ERBB4: variants seen among roughly 807,000 people sequenced by gnomAD.
The protein encoded by ERBB4 is receptor tyrosine-protein kinase erbB-4.
In ERBB4, 42 loss-of-function variants were observed where a neutral mutation model predicts 158.0. That is an observed-to-expected ratio of 0.27 (90% CI 0.21 to 0.34). The LOEUF is 0.34. Ranked by LOEUF, ERBB4 falls within the 10% of genes least tolerant of loss-of-function variation. ERBB4 has a pLI of 1.00. For missense variants in ERBB4, 1,333 were observed against 1,624.1 expected, an observed-to-expected ratio of 0.82 and a Z score of 3.08; for synonymous variants, 583 against 558.7, an observed-to-expected ratio of 1.04 and a Z score of -0.61.
intron 1 of ERBB4, among the ~76,000 whole-genome samples, chr2:212,448,460 TA>T (rs2092396577): frequency 6.6e-6 from 1 of 152,202 alleles, no homozygotes; most frequent in Non-Finnish European, 1.5e-5. Flanking sequence ...AACAAATGAA[TA>T]AACTGTATTC....
chr2:212,038,534 AT>A (rs1191643631), intron 2 of ERBB4, among the ~76,000 whole-genome samples: 2 of 151,990 alleles, frequency 1.3e-5, no homozygotes, highest in Non-Finnish European at 2.9e-5. Context: ...TACCTAAGAC[AT>A]TTTTTTCTTT....
At chr2:211,840,717 G>A (rs1481234611) in intron 3 of ERBB4, among the ~76,000 whole-genome samples, 3 of 152,026 alleles carry the variant, frequency 2.0e-5, no homozygotes, top group African/African-American at 7.2e-5. Flanking sequence ...CAGACAAGAA[G>A]TTGACAGAAA....
intron 1 of ERBB4, among the ~76,000 whole-genome samples, chr2:212,261,985 T>G (rs2106089175): frequency 6.6e-6 from 1 of 152,220 alleles, no homozygotes; most frequent in South Asian, 2.1e-4. Flanking sequence ...TCACAACAGA[T>G]TTCTTTCTAT....
At chr2:211,890,374 T>C (rs374299487) in intron 3 of ERBB4, among the ~76,000 whole-genome samples, 10 of 145,684 alleles carry the variant, frequency 6.9e-5, no homozygotes, top group South Asian at 2.2e-4. Context: ...TTGTCACCAC[T>C]AGGCCTGCCC....
chr2:211,501,980 T>C (rs1559232889), intron 20 of ERBB4, among the ~76,000 whole-genome samples: 1 of 152,136 alleles, frequency 6.6e-6, no homozygotes, highest in Non-Finnish European at 1.5e-5. Context: ...ACCTGAAATG[T>C]AAAATGAATC....
intron 2 of ERBB4, among the ~76,000 whole-genome samples, chr2:211,995,302 C>A (rs1489193973): frequency 1.3e-5 from 2 of 152,150 alleles, no homozygotes; most frequent in Non-Finnish European, 2.9e-5. Flanking sequence ...TTGAAAAATA[C>A]ATTTAATATT....
At chr2:211,715,109 C>T (rs1283602895) in intron 7 of ERBB4, among the ~76,000 whole-genome samples, 5 of 152,006 alleles carry the variant, frequency 3.3e-5, no homozygotes, top group East Asian at 1.9e-4. Flanking sequence ...TTCTAGGTAG[C>T]GAAATTGATT....
chr2:211,595,849 A>T (rs1236606792), intron 19 of ERBB4, among the ~76,000 whole-genome samples: 1 of 152,192 alleles, frequency 6.6e-6, no homozygotes, highest in Non-Finnish European at 1.5e-5. Context: ...TGACTGTGGG[A>T]CTTGAGTATG....
chr2:212,434,693 T>A (rs2092099549), intron 1 of ERBB4, among the ~76,000 whole-genome samples: 1 of 151,968 alleles, frequency 6.6e-6, no homozygotes, highest in South Asian at 2.1e-4. Flanking sequence ...CAGAACATGT[T>A]CCATTCTCCT....
Position 211,832,608 on chromosome 2 carries a change from GTA to G in ERBB4, c.422-44451_422-44450del, listed in dbSNP as rs540148030. ...TATATATACACATAAACGTGTGTGT[GTA>G]TATATATATACATATATATACACAC... On this transcript the variant is annotated intron_variant, in intron 3 of 27. Transcript: ENST00000342788. Among the ~76,000 whole-genome samples, 77 of 149,806 alleles carry G rather than the reference GTA, an allele frequency of 5.1e-4. 1 individual carries two copies. The South Asian group carries it at 0.014, about 28-fold the overall frequency.
intron 25 of ERBB4, among the ~76,000 whole-genome samples, chr2:211,418,627 G>C (rs536665937): frequency 1.3e-5 from 2 of 151,922 alleles, no homozygotes; most frequent in East Asian, 3.9e-4. Context: ...TGAAATGTAA[G>C]AATTCTTATA....
intron 1 of ERBB4, among the ~76,000 whole-genome samples, chr2:212,149,360 T>C (rs951650166): frequency 2.0e-5 from 3 of 152,130 alleles, no homozygotes; most frequent in Admixed American, 1.3e-4. Flanking sequence ...ACATGTACTC[T>C]TTTTTAAAAA....
At chr2:211,924,164 G>A (rs183233512) in intron 3 of ERBB4, among the ~76,000 whole-genome samples, 1 of 152,238 alleles carries the variant, frequency 6.6e-6, no homozygotes, top group East Asian at 1.9e-4. Context: ...CTAAAGCCCT[G>A]TGGCAGCTAT....
At chr2:211,757,909 G>A (rs1012061401) in intron 4 of ERBB4, among the ~76,000 whole-genome samples, 1 of 152,204 alleles carries the variant, frequency 6.6e-6, no homozygotes, top group Non-Finnish European at 1.5e-5. Flanking sequence ...ACCTATGAGA[G>A]TGCCATTTTT....
intron 1 of ERBB4, among the ~76,000 whole-genome samples, chr2:212,137,833 T>C (rs558328305): frequency 1.3e-3 from 195 of 152,224 alleles, no homozygotes; most frequent in Middle Eastern, 6.8e-3. Flanking sequence ...AAAGAAACTA[T>C]CAACAGAGTA....
intron 2 of ERBB4, among the ~76,000 whole-genome samples, chr2:212,122,380 GAT>G (rs10595351): frequency 0.52 from 78,694 of 151,524 alleles, 21,093 homozygotes; most frequent in Non-Finnish European, 0.58. Context: ...TTATAAAAAA[GAT>G]ATGTGGAACA....
chr2:212,040,905 A>G lies in ERBB4; in HGVS notation c.234+83847T>C, dbSNP rs916968697. Among the ~76,000 whole-genome samples the G allele has an allele frequency of 2.6e-5, 4 of 151,898 alleles. No individual in the cohort carries two copies. The East Asian group carries it at 7.7e-4, about 29-fold the overall frequency. ...CCTATCTAGACCCTATTTACCTTTCACTTATCAGTTAAATCTCTTTTAACT... is the reference window on the plus strand; with the variant it reads ...CCTATCTAGACCCTATTTACCTTTCGCTTATCAGTTAAATCTCTTTTAACT... On this transcript the variant is annotated intron_variant, in intron 2 of 27. Coordinates refer to ENST00000342788, the MANE Select transcript of ERBB4 (RefSeq NM_005235.3).
At chr2:211,685,788 GATTTCTTTC>G (rs990104643) in intron 12 of ERBB4, among the ~76,000 whole-genome samples, 1 of 152,008 alleles carries the variant, frequency 6.6e-6, no homozygotes, top group African/African-American at 2.4e-5. Flanking sequence ...CACCTGCTTT[GATTTCTTTC>G]ATCAGTATTT....
chr2:211,448,491 CAATT>C (rs1329433850), intron 20 of ERBB4, among the ~76,000 whole-genome samples: 1 of 148,914 alleles, frequency 6.7e-6, no homozygotes, highest in African/African-American at 2.5e-5. Flanking sequence ...CACACACACA[CAATT>C]ACACACAGAG....
Sources: gnomAD v4.1 joint callset for allele counts (sites outside exome capture counted in the v4.1 genomes callset) on GRCh38, gnomAD v4.1.1 for gene constraint, MANE v1.5 for transcripts, NCBI Gene and HGNC (gene_info 2026-07-23, HGNC 2026-07-21) for gene names.